The following SDHA variants were observed in gnomAD, a reference collection of about 807,000 sequenced individuals.
SDHA encodes the protein succinate dehydrogenase [ubiquinone] flavoprotein subunit, mitochondrial.
A neutral mutation model predicts 78.4 loss-of-function variants in SDHA; 48 were observed. That is an observed-to-expected ratio of 0.61 (90% CI 0.49 to 0.78). The LOEUF is 0.78. SDHA is among the 30% of genes least tolerant of loss of function. The probability of loss-of-function intolerance (pLI) is 0.00; values close to 1 mark genes in which losing one functional copy is unlikely to be tolerated. For synonymous variants in SDHA, 326 were observed against 353.9 expected, an observed-to-expected ratio of 0.92 and a Z score of 0.88; for missense variants, 680 against 892.7, an observed-to-expected ratio of 0.76 and a Z score of 3.04.
chr5:254,556 C>T (rs2126641899), intron 14 of SDHA, 50 bp downstream of exon 14: 1 of 1,509,004 alleles, frequency 6.6e-7, no homozygotes, highest in Non-Finnish European at 8.9e-7. Context: ...CACGGCCCCG[C>T]CCAGGCCTGC....
intron 14 of SDHA, among the ~76,000 whole-genome samples, 188 bp from the exon 15 acceptor site, chr5:256,146 T>TA (rs1299581707): frequency 1.3e-5 from 2 of 152,344 alleles, no homozygotes; most frequent in Non-Finnish European, 2.9e-5. Context: ...GGTTTAAACA[T>TA]AAAGTGTCTT....
chr5:261,200 A>C (rs1306814291), downstream of SDHA, among the ~76,000 whole-genome samples: 3 of 7,602 alleles, frequency 3.9e-4, no homozygotes, highest in Non-Finnish European at 7.9e-4. Context: ...GCCTCCCGTC[A>C]GAGCATTACC....
chr5:218,351 C>G lies in SDHA; in HGVS notation c.-5C>G. 3.4e-6 allele frequency: 5 copies of G among 1,458,206 alleles called. No individual in the cohort carries two copies. The highest frequency in any genetic ancestry group is 1.5e-5 in the African/African-American group (1 of 68,418). 90.3% of individuals were successfully genotyped at this position (1,458,206 alleles called of 1,614,324 possible). A position where few individuals can be genotyped will look rare whatever the true frequency, so the allele number is the denominator to read the frequency against. ...TGGCGGGACTGCGCGGCGGCAACAG[C>G]AGACATGTCGGGGGTCCGGGGCCTG... On this transcript the variant is annotated 5_prime_UTR_variant, in exon 1 of 15. Transcript: ENST00000264932.
At chr5:222,164 A>G (rs1291317856) in intron 1 of SDHA, among the ~76,000 whole-genome samples, 1 of 152,140 alleles carries the variant, frequency 6.6e-6, no homozygotes, top group Admixed American at 6.5e-5. Flanking sequence ...CATTTTCTGA[A>G]AAAAGAAAAA....
chr5:244,794 A>G (rs1437260557), intron 11 of SDHA, among the ~76,000 whole-genome samples: 3 of 152,176 alleles, frequency 2.0e-5, no homozygotes, highest in Non-Finnish European at 4.4e-5. Flanking sequence ...TAACTTCTGT[A>G]CCTATAAATT....
At chr5:230,378 G>C (rs576506242) in intron 6 of SDHA, among the ~76,000 whole-genome samples, 1 of 152,152 alleles carries the variant, frequency 6.6e-6, no homozygotes, top group Admixed American at 6.5e-5. Context: ...TGTAATCCCG[G>C]CACTTTGGGA....
intron 10 of SDHA, among the ~76,000 whole-genome samples, chr5:239,050 T>C (rs1314948234): frequency 7.2e-6 from 1 of 139,738 alleles, no homozygotes; most frequent in African/African-American, 3.0e-5. Flanking sequence ...AGCATTATTA[T>C]CAAAAGGAAG....
At chr5:264,068 G>A in the SDHA span, among the ~76,000 whole-genome samples, 1 of 152,220 alleles carries the variant, frequency 6.6e-6, no homozygotes, top group Non-Finnish European at 1.5e-5. Context: ...ATAAGGGGCA[G>A]AGTACATATC....
At chr5:240,913 TGG>T (rs1561002154) in intron 11 of SDHA, among the ~76,000 whole-genome samples, 2 of 151,514 alleles carry the variant, frequency 1.3e-5, no homozygotes, top group African/African-American at 4.9e-5. Context: ...TTTCTTCATC[TGG>T]TCATCCGTTG....
intron 6 of SDHA, among the ~76,000 whole-genome samples, chr5:230,401 A>T (rs760157607): frequency 2.0e-5 from 3 of 152,048 alleles, no homozygotes; most frequent in African/African-American, 4.8e-5. Context: ...CCAAAGTGGG[A>T]GGATCACTTG....
intron 1 of SDHA, among the ~76,000 whole-genome samples, chr5:221,151 A>C (rs1386792678): frequency 6.6e-6 from 1 of 152,162 alleles, no homozygotes; most frequent in Non-Finnish European, 1.5e-5. Flanking sequence ...AAAATAATAA[A>C]CACTAAAATT....
chr5:238,124 AC>A (rs1228106470), intron 10 of SDHA, among the ~76,000 whole-genome samples: 1 of 151,144 alleles, frequency 6.6e-6, no homozygotes, highest in Non-Finnish European at 1.5e-5. Flanking sequence ...GCAGCATCTC[AC>A]GCAGAATGCT....
chr5:220,799 A>G (rs1031212267), intron 1 of SDHA, among the ~76,000 whole-genome samples: 5 of 148,774 alleles, frequency 3.4e-5, no homozygotes, highest in African/African-American at 1.0e-4. Flanking sequence ...ATGCACAGTA[A>G]CCATGTGTGA....
chr5:266,759 C>T, the SDHA span, among the ~76,000 whole-genome samples: 3 of 112,600 alleles, frequency 2.7e-5, no homozygotes, highest in Non-Finnish European at 5.1e-5. Context: ...CAGTAGACAC[C>T]GTGGCCGCTG....
chr5:261,446 G>A (rs1252798647), downstream of SDHA, among the ~76,000 whole-genome samples: 2 of 68,534 alleles, frequency 2.9e-5, no homozygotes, highest in Non-Finnish European at 5.1e-5. Context: ...TGTGAGCTCC[G>A]CCTCCCGGCA....
At chr5:268,284 G>A in the SDHA span, among the ~76,000 whole-genome samples, 6 of 151,610 alleles carry the variant, frequency 4.0e-5, no homozygotes, top group Admixed American at 6.6e-5. Flanking sequence ...CCGGGTTCAC[G>A]CCATTCTCCT....
intron 11 of SDHA, among the ~76,000 whole-genome samples, chr5:241,245 G>A (rs138655867): frequency 0.015 from 2,330 of 152,222 alleles, 58 homozygotes; most frequent in African/African-American, 0.053. Context: ...GGAGGAGAGG[G>A]AACTGCAGGA....
At chr5:265,628 C>T in the SDHA span, among the ~76,000 whole-genome samples, 1 of 152,168 alleles carries the variant, frequency 6.6e-6, no homozygotes, top group Non-Finnish European at 1.5e-5. Context: ...ATTGTCCCAG[C>T]CTGGCCAACA....
chr5:265,360 G>A, the SDHA span, among the ~76,000 whole-genome samples: 1 of 152,140 alleles, frequency 6.6e-6, no homozygotes, highest in South Asian at 2.1e-4. Flanking sequence ...ACCTAGACTT[G>A]GTCTCTAATA....
Sources: allele counts gnomAD v4.1 joint callset (sites outside exome capture counted in the v4.1 genomes callset), GRCh38; gene constraint gnomAD v4.1.1; transcripts MANE v1.5; gene names NCBI Gene and HGNC (gene_info 2026-07-23, HGNC 2026-07-21).